CENPP: variants seen among roughly 807,000 people sequenced by gnomAD.
The protein encoded by CENPP is centromere protein P.
CENPP carries 24 observed loss-of-function variants against 35.6 expected under a neutral mutation model. The ratio of observed to expected loss-of-function variants is 0.67; its 90% CI spans 0.49 to 0.95. The LOEUF (loss-of-function observed/expected upper bound fraction) is 0.95, where lower values mean the gene tolerates loss of function less well. CENPP is among the 40% of genes least tolerant of loss of function. The pLI, the probability that CENPP is intolerant of heterozygous loss-of-function variation, is 0.00. For missense variants in CENPP, 332 were observed against 345.3 expected (o/e 0.96, Z 0.31); for synonymous variants, 120 against 125.5 (o/e 0.96, Z 0.29).
At position 92,467,643 on chromosome 9, in the gene CENPP, C is replaced by T. The variant is rs557461078; in HGVS notation, c.564+87784C>T. Among the ~76,000 whole-genome samples, 7 of 152,276 alleles carry T rather than the reference C, an allele frequency of 4.6e-5. No individual in the cohort carries two copies. The East Asian group carries it at 1.3e-3, about 29-fold the overall frequency. ...AAATCTCCCTTTGTTTAATATGCCT[C>T]ACTGGTATTACTCATATTGTTGTTG... On this transcript the variant is annotated intron_variant, in intron 5 of 7. Transcript: ENST00000375587.
intron 4 of CENPP, among the ~76,000 whole-genome samples, chr9:92,365,190 A>T (rs1437534101): frequency 6.6e-6 from 1 of 152,150 alleles, no homozygotes; most frequent in Non-Finnish European, 1.5e-5. Flanking sequence ...TTAGATATCG[A>T]TAAGTGGTGG....
chr9:92,384,921 A>T (rs1842364514), intron 5 of CENPP: 2 of 152,528 alleles, frequency 1.3e-5, no homozygotes, highest in South Asian at 4.1e-4. Context: ...TTTTTGGTAG[A>T]CTTAGAATGT....
In CENPP at chr9:92,449,437, C is replaced by CAAAAAAA. The variant is rs56218626; in HGVS notation, c.564+69613_564+69619dup. Among the ~76,000 whole-genome samples the CAAAAAAA allele has an allele frequency of 6.7e-4, 37 of 54,950 alleles. 1 individual carries two copies. The highest frequency in any genetic ancestry group is 9.1e-4 in the Non-Finnish European group (27 of 29,570). The allele number at this position is 54,950 out of a possible 152,430, so 36.0% of individuals were successfully genotyped here. Reference sequence around the variant, plus strand: ...TGGGTGATGAGCGAGACTCTATCTCCAAAAAAAAAAAAAAAAAAAAAAAAA... The same window carrying CAAAAAAA: ...TGGGTGATGAGCGAGACTCTATCTCCAAAAAAAAAAAAAAAAAAAAAAAAAAAAAAAA... On this transcript the variant is annotated intron_variant, in intron 5 of 7. Transcript: ENST00000375587.
chr9:92,474,129 C>T (rs1418236061), intron 5 of CENPP, among the ~76,000 whole-genome samples: 1 of 152,184 alleles, frequency 6.6e-6, no homozygotes, highest in Non-Finnish European at 1.5e-5. Flanking sequence ...TTTAAAAAGA[C>T]TTTATCCACT....
In CENPP at chr9:92,394,408, ATT is replaced by A. The variant is rs34978081; in HGVS notation, c.564+14564_564+14565del. On this transcript the variant is annotated intron_variant, in intron 5 of 7. Transcript: ENST00000375587. ...CTGGCGTATGCCACCACACATGGCT[ATT>A]TTTTTTTTTTTTTTGAATTTTTAGT... Among the ~76,000 whole-genome samples, 510 of 130,922 alleles carry A rather than the reference ATT, an allele frequency of 3.9e-3. 3 individuals carry two copies. Among genetic ancestry groups the A allele is most frequent in the East Asian group, 0.021 (95 of 4,464 alleles). The allele number at this position is 130,922 out of a possible 152,430, so 85.9% of individuals were successfully genotyped here.
chr9:92,355,088 CT>C (rs1188252643), intron 4 of CENPP, among the ~76,000 whole-genome samples: 1 of 152,138 alleles, frequency 6.6e-6, no homozygotes, highest in Non-Finnish European at 1.5e-5. Flanking sequence ...CACATATTGT[CT>C]TGATAAACAT....
intron 5 of CENPP, among the ~76,000 whole-genome samples, chr9:92,472,227 C>G (rs1241348767): frequency 6.6e-6 from 1 of 151,778 alleles, no homozygotes; most frequent in African/African-American, 2.4e-5. Context: ...CATTGTTACA[C>G]GTGCCTGTAG....
intron 5 of CENPP, among the ~76,000 whole-genome samples, chr9:92,469,553 G>C (rs991057046): frequency 6.6e-6 from 1 of 152,080 alleles, no homozygotes; most frequent in Non-Finnish European, 1.5e-5. Context: ...TGGTAGCAAG[G>C]GGCTAATATT....
intron 4 of CENPP, among the ~76,000 whole-genome samples, chr9:92,357,840 T>G (rs1422588623): frequency 7.2e-6 from 1 of 139,180 alleles, no homozygotes; most frequent in Non-Finnish European, 1.5e-5. Context: ...AATAGAAAAT[T>G]CTTGGTTGAC....
At chr9:92,515,670 C>T (rs1847658038) in intron 5 of CENPP, among the ~76,000 whole-genome samples, 1 of 152,206 alleles carries the variant, frequency 6.6e-6, no homozygotes, top group South Asian at 2.1e-4. Context: ...GTATATTTTA[C>T]TTGCTTATAG....
chr9:92,494,763 G>C (rs900885753), intron 5 of CENPP, among the ~76,000 whole-genome samples: 2 of 151,928 alleles, frequency 1.3e-5, no homozygotes, highest in Non-Finnish European at 2.9e-5. Context: ...AAACATTAGC[G>C]GGGAGTGGTG....
intron 4 of CENPP, among the ~76,000 whole-genome samples, chr9:92,352,001 ATTTCTT>A (rs1192598733): frequency 6.8e-6 from 1 of 147,058 alleles, no homozygotes; most frequent in Non-Finnish European, 1.5e-5. Flanking sequence ...ATAAGTCAGA[ATTTCTT>A]TTTCTTTTTC....
At chr9:92,460,194 C>G (rs1324829482) in intron 5 of CENPP, among the ~76,000 whole-genome samples, 1 of 151,942 alleles carries the variant, frequency 6.6e-6, no homozygotes, top group African/African-American at 2.4e-5. Context: ...TCCACCATGC[C>G]TGGCTAATTT....
chr9:92,327,425 A>T (rs1006337430), intron 1 of CENPP, among the ~76,000 whole-genome samples: 1 of 152,198 alleles, frequency 6.6e-6, no homozygotes, highest in Non-Finnish European at 1.5e-5. Context: ...ATGCTGTATG[A>T]GTGGGCTAGG....
intron 5 of CENPP, chr9:92,474,791 T>C (rs775007730): frequency 1.2e-6 from 2 of 1,609,364 alleles, no homozygotes; most frequent in East Asian, 2.2e-5. Context: ...ATCATCTGTG[T>C]CTTCCATATC....
chr9:92,361,981 T>C (rs1037372779), intron 4 of CENPP, among the ~76,000 whole-genome samples: 1 of 151,992 alleles, frequency 6.6e-6, no homozygotes, highest in Non-Finnish European at 1.5e-5. Flanking sequence ...GAGCTGACAT[T>C]GTGCCACTGC....
intron 5 of CENPP, chr9:92,515,022 T>C (rs1847611092): frequency 6.2e-7 from 1 of 1,614,070 alleles, no homozygotes; most frequent in Admixed American, 1.7e-5. Flanking sequence ...CTGTATCTTC[T>C]TCTTTCACTT....
intron 5 of CENPP, chr9:92,385,929 A>G: frequency 1.3e-6 from 1 of 746,032 alleles, no homozygotes; most frequent in Non-Finnish European, 2.2e-6. Context: ...ATTAGGAAAT[A>G]CTCAAATGTA....
At chr9:92,490,293 T>C (rs973419005) in intron 5 of CENPP, among the ~76,000 whole-genome samples, 2 of 152,336 alleles carry the variant, frequency 1.3e-5, no homozygotes, top group South Asian at 4.1e-4. Context: ...TCATTATTGT[T>C]TTTTTAACTA....
Sources: gnomAD v4.1 joint callset for allele counts (sites outside exome capture counted in the v4.1 genomes callset) on GRCh38, gnomAD v4.1.1 for gene constraint, MANE v1.5 for transcripts, NCBI Gene and HGNC (gene_info 2026-07-23, HGNC 2026-07-21) for gene names.